The following CLASP1 variants were observed in gnomAD, a reference collection of about 807,000 sequenced individuals.
The protein encoded by CLASP1 is cytoplasmic linker associated protein 1.
A neutral mutation model predicts 192.3 loss-of-function variants in CLASP1; 38 were observed. The observed-to-expected ratio is 0.20, with a 90% CI of 0.15 to 0.26. The LOEUF (loss-of-function observed/expected upper bound fraction) is 0.26, where lower values mean the gene tolerates loss of function less well. Among genes scored for constraint, CLASP1 ranks in the 10% least tolerant of loss-of-function variants. The pLI is 1.00. For missense variants in CLASP1, 1,433 were observed against 1,932.5 expected (o/e 0.74, Z 4.85); for synonymous variants, 691 against 712.8 (o/e 0.97, Z 0.49).
intron 12 of CLASP1, 28 bp downstream of exon 12, chr2:121,459,952 T>C (rs2087552726): frequency 1.3e-6 from 2 of 1,581,634 alleles, no homozygotes; most frequent in Non-Finnish European, 1.7e-6. Context: ...TATTTTATGG[T>C]GAGAATATGG....
At chr2:121,547,992 G>A (rs957551701) in intron 2 of CLASP1, among the ~76,000 whole-genome samples, 2 of 152,142 alleles carry the variant, frequency 1.3e-5, no homozygotes, top group Non-Finnish European at 2.9e-5. Context: ...AAAAACCAAT[G>A]CAAGAACTCC....
At chr2:121,473,641 G>T (rs2091145773) in intron 8 of CLASP1, among the ~76,000 whole-genome samples, 1 of 152,074 alleles carries the variant, frequency 6.6e-6, no homozygotes, top group Non-Finnish European at 1.5e-5. Context: ...CATGCCCCAA[G>T]CAAGACACAC....
chr2:121,643,152 T>G (rs2034138), intron 1 of CLASP1, among the ~76,000 whole-genome samples: 36,696 of 152,196 alleles, frequency 0.24, 6,765 homozygotes, highest in African/African-American at 0.51. Context: ...CTAGATTTCT[T>G]TCCCCAAAAG....
chr2:121,612,601 G>A (rs1161706041), intron 1 of CLASP1, among the ~76,000 whole-genome samples: 2 of 152,054 alleles, frequency 1.3e-5, no homozygotes, highest in Non-Finnish European at 2.9e-5. Flanking sequence ...TGGAGCTGGA[G>A]GAGGAAGTAA....
chr2:121,358,443 T>G (rs968214709), intron 37 of CLASP1, among the ~76,000 whole-genome samples: 2 of 152,224 alleles, frequency 1.3e-5, no homozygotes, highest in Non-Finnish European at 2.9e-5. Context: ...AAATGACTGC[T>G]GCCCTGAGAG....
intron 14 of CLASP1, 38 bp from the exon 15 acceptor site, chr2:121,451,887 T>C (rs1309099147): frequency 4.2e-6 from 6 of 1,419,070 alleles, no homozygotes; most frequent in South Asian, 1.3e-5. Flanking sequence ...TATTAATACA[T>C]ATTTTAGTGA....
chr2:121,462,053 C>T lies in CLASP1; in HGVS notation c.939+479G>A, dbSNP rs181164706. On this transcript the variant is annotated intron_variant, in intron 10 of 39. Coordinates refer to ENST00000263710, the Ensembl canonical transcript of CLASP1. ...ATCAGCAACAGACGATACTAAGGCA[C>T]AAAGCAGTCAAACTTGTGGCTGTAT... is the stretch of plus-strand genomic sequence containing the variant. Among the ~76,000 whole-genome samples the T allele has an allele frequency of 2.1e-3, 317 of 152,120 alleles. 1 individual carries two copies. Among genetic ancestry groups the T allele is most frequent in the African/African-American group, 6.1e-3 (254 of 41,512 alleles).
At chr2:121,440,547 C>T (rs1226921525) in intron 19 of CLASP1, among the ~76,000 whole-genome samples, 1 of 152,224 alleles carries the variant, frequency 6.6e-6, no homozygotes, top group Middle Eastern at 3.4e-3. Flanking sequence ...AAAAAATTAG[C>T]AGGGCATGGT....
intron 1 of CLASP1, among the ~76,000 whole-genome samples, chr2:121,641,635 T>C (rs2072104341): frequency 6.6e-6 from 1 of 152,216 alleles, no homozygotes; most frequent in African/African-American, 2.4e-5. Context: ...TACAGTTTCA[T>C]CATACTGAAG....
intron 24 of CLASP1, 101 bp from the exon 26 acceptor site, chr2:121,407,816 T>TA: frequency 7.5e-7 from 1 of 1,332,580 alleles, no homozygotes; most frequent in Non-Finnish European, 1.1e-6. Context: ...GAGTTAAGTG[T>TA]AAAAAGACAC....
chr2:121,397,026 C>A, intron 30 of CLASP1, 114 bp downstream of exon 31: 1 of 964,674 alleles, frequency 1.0e-6, no homozygotes, highest in Non-Finnish European at 1.6e-6. Context: ...AACAGCAGAG[C>A]CTTAGTGATA....
intron 2 of CLASP1, among the ~76,000 whole-genome samples, chr2:121,537,966 G>C (rs1003203756): frequency 5.9e-5 from 9 of 152,126 alleles, no homozygotes; most frequent in African/African-American, 2.2e-4. Context: ...CTTCATAAAG[G>C]ATATATTTTT....
chr2:121,379,886 G>A (rs1025821122), intron 33 of CLASP1, among the ~76,000 whole-genome samples: 1 of 152,112 alleles, frequency 6.6e-6, no homozygotes, highest in Non-Finnish European at 1.5e-5. Context: ...AAAGGATTCT[G>A]CCAGGTAATT....
chr2:121,501,745 T>C (rs924785857), intron 8 of CLASP1, among the ~76,000 whole-genome samples: 4 of 152,302 alleles, frequency 2.6e-5, no homozygotes, highest in South Asian at 2.1e-4. Context: ...TTGCATGCTA[T>C]TACCTGCTCT....
rs1199695309 is a variant in CLASP1 at position 121,356,416 on chromosome 2, G to A, written c.4206+6756C>T. On this transcript the variant is annotated intron_variant, in intron 37 of 39. Coordinates refer to ENST00000263710, the Ensembl canonical transcript of CLASP1. ...GCCAGCATGGCCCTGAACCTGGGAC[G>A]AGAGTCCTCACTTAGCTAGGCTCAG... Among the ~76,000 whole-genome samples, 5 of 152,230 alleles carry A rather than the reference G, an allele frequency of 3.3e-5. No individual in the cohort carries two copies. The South Asian group carries it at 6.2e-4, about 19-fold the overall frequency.
chr2:121,635,072 C>G (rs2070555666), intron 1 of CLASP1, among the ~76,000 whole-genome samples: 1 of 152,004 alleles, frequency 6.6e-6, no homozygotes. Flanking sequence ...CACTGTGGCT[C>G]ACACCTATAA....
intron 6 of CLASP1, among the ~76,000 whole-genome samples, chr2:121,525,213 T>G (rs1575657490): frequency 6.6e-6 from 1 of 150,658 alleles, no homozygotes; most frequent in Non-Finnish European, 1.5e-5. Context: ...GGGAGGAGAG[T>G]TCAATGCTAT....
At chr2:121,432,788 C>T (rs1182375346) in intron 19 of CLASP1, among the ~76,000 whole-genome samples, 3 of 152,090 alleles carry the variant, frequency 2.0e-5, no homozygotes, top group Admixed American at 2.0e-4. Flanking sequence ...GATCTTAACA[C>T]TCTAGGATTC....
At chr2:121,424,063 CG>C (rs1044884285) in intron 22 of CLASP1, among the ~76,000 whole-genome samples, 1 of 152,156 alleles carries the variant, frequency 6.6e-6, no homozygotes, top group African/African-American at 2.4e-5. Flanking sequence ...TCTCCCCACC[CG>C]GACCAATCCC....
Sources: gnomAD v4.1 joint callset for allele counts (sites outside exome capture counted in the v4.1 genomes callset) on GRCh38, gnomAD v4.1.1 for gene constraint, MANE v1.5 for transcripts, NCBI Gene and HGNC (gene_info 2026-07-23, HGNC 2026-07-21) for gene names.